TLE4: variants seen among roughly 807,000 people sequenced by gnomAD.
TLE4 encodes transducin-like enhancer protein 4.
Under a neutral mutation model 92.8 loss-of-function variants are expected in TLE4, and 8 were observed. The observed-to-expected ratio is 0.09, with a 90% CI of 0.05 to 0.16. The LOEUF is 0.16. Among genes scored for constraint, TLE4 ranks in the 10% least tolerant of loss-of-function variants. The pLI is 1.00. For missense variants in TLE4, 675 were observed against 997.6 expected, an observed-to-expected ratio of 0.68 and a Z score of 4.36; for synonymous variants, 371 against 374.1, an observed-to-expected ratio of 0.99 and a Z score of 0.10.
chr9:79,639,928 A>G (rs1022868879), intron 6 of TLE4, among the ~76,000 whole-genome samples: 9 of 152,182 alleles, frequency 5.9e-5, no homozygotes, highest in Non-Finnish European at 1.2e-4. Flanking sequence ...TGACTTATGT[A>G]TATCAAAATA....
At chr9:79,573,451 G>A in intron 1 of TLE4, 1 of 1,116,062 alleles carries the variant, frequency 9.0e-7, no homozygotes, top group East Asian at 3.5e-5. Flanking sequence ...TCGAACCCTC[G>A]GGGTCCGGGG....
At chr9:79,578,334 T>G (rs1642731395) in intron 4 of TLE4, among the ~76,000 whole-genome samples, 2 of 152,186 alleles carry the variant, frequency 1.3e-5, no homozygotes, top group African/African-American at 4.8e-5. Flanking sequence ...CGGGAGCCCT[T>G]GGAAGTACCC....
chr9:79,587,517 G>A (rs1363497915), intron 4 of TLE4, among the ~76,000 whole-genome samples: 2 of 152,114 alleles, frequency 1.3e-5, no homozygotes, highest in Non-Finnish European at 1.5e-5. Flanking sequence ...CCATTGCTCG[G>A]TACTATAGGC....
At chr9:79,648,899 G>T (rs550005792) in intron 6 of TLE4, among the ~76,000 whole-genome samples, 1 of 152,246 alleles carries the variant, frequency 6.6e-6, no homozygotes, top group Non-Finnish European at 1.5e-5. Flanking sequence ...TGGGTCAAAG[G>T]TGGATAAAGA....
At chr9:79,720,706 A>T (rs562142913) in intron 16 of TLE4, among the ~76,000 whole-genome samples, 2 of 152,190 alleles carry the variant, frequency 1.3e-5, no homozygotes, top group South Asian at 4.1e-4. Context: ...ATTATTGTTG[A>T]TAGAGCCTCA....
intron 17 of TLE4, among the ~76,000 whole-genome samples, chr9:79,722,234 C>T (rs1215870786): frequency 6.6e-6 from 1 of 152,182 alleles, no homozygotes; most frequent in East Asian, 1.9e-4. Flanking sequence ...AGGCAGTTCA[C>T]TTACCGTGTG....
intron 5 of TLE4, among the ~76,000 whole-genome samples, chr9:79,613,341 C>T (rs11138310): frequency 6.6e-6 from 1 of 152,050 alleles, no homozygotes; most frequent in Non-Finnish European, 1.5e-5. Flanking sequence ...CTCACTAGTT[C>T]TCTTGCTCAC....
At chr9:79,631,750 A>G (rs918085000) in intron 6 of TLE4, among the ~76,000 whole-genome samples, 9 of 151,136 alleles carry the variant, frequency 6.0e-5, no homozygotes, top group South Asian at 2.1e-4. Flanking sequence ...AGATTTCAAA[A>G]CTGCCATTTT....
intron 15 of TLE4, 126 bp downstream of exon 15, chr9:79,719,097 G>T: frequency 1.5e-6 from 2 of 1,371,462 alleles, no homozygotes; most frequent in Non-Finnish European, 1.9e-6. Flanking sequence ...CTCTTCAGGG[G>T]ACTGCGATCT....
chr9:79,612,823 T>C (rs747142561), intron 5 of TLE4, 105 bp downstream of exon 5: 3 of 938,872 alleles, frequency 3.2e-6, no homozygotes, highest in Non-Finnish European at 5.1e-6. Context: ...TCTCTTGGTG[T>C]TTGTATTTTA....
At chr9:79,659,317 T>C (rs1308551197) in intron 8 of TLE4, among the ~76,000 whole-genome samples, 1 of 152,206 alleles carries the variant, frequency 6.6e-6, no homozygotes, top group Non-Finnish European at 1.5e-5. Context: ...CTATCTATAC[T>C]TTTTCTTTGC....
Position 79,706,808 on chromosome 9 carries a change from C to T in TLE4, c.845C>T (p.Thr282Ile), listed in dbSNP as rs764293698. Residue 282 changes from threonine (T) to isoleucine (I), a missense_variant, in exon 11 of 20, where the codon ACA (threonine) becomes ATA (isoleucine). Coordinates refer to ENST00000376552, the MANE Select transcript of TLE4 (RefSeq NM_007005.6). ...CCCAGAGAGAATGGCCTAGACAAGA[C>T]ACGCCTGCTCAAGAAAGATGCCCCG... is the stretch of plus-strand genomic sequence containing the variant. ...HSPRENGLDK[T>I]RLLKKDAPIS... 8.1e-6 allele frequency: 13 copies of T among 1,614,070 alleles called. No individual in the cohort carries two copies. The highest frequency in any genetic ancestry group is 1.0e-5 in the Non-Finnish European group (12 of 1,180,044).
chr9:79,616,515 G>C (rs2049657172), intron 5 of TLE4, among the ~76,000 whole-genome samples: 2 of 152,078 alleles, frequency 1.3e-5, no homozygotes, highest in Non-Finnish European at 2.9e-5. Context: ...TCTAATCATT[G>C]CATTTGGGAA....
Position 79,572,625 on chromosome 9 carries a change from G to A in TLE4, c.-166G>A, listed in dbSNP as rs1344441528. 2 of 353,388 alleles carry A rather than the reference G, an allele frequency of 5.7e-6. No individual in the cohort carries two copies. The highest frequency in any genetic ancestry group is 5.5e-5 in the East Asian group (1 of 18,040). The allele number at this position is 353,388 out of a possible 1,614,324, so 21.9% of individuals were successfully genotyped here. A position where few individuals can be genotyped will look rare whatever the true frequency, so the allele number is the denominator to read the frequency against. Reference sequence around the variant, plus strand: ...AGCCGGCACCCAGCCGCCGCCGCGCGTTCCTGCCGCCCGTGTCACGCGAGA... The same window carrying A: ...AGCCGGCACCCAGCCGCCGCCGCGCATTCCTGCCGCCCGTGTCACGCGAGA... On this transcript the variant is annotated 5_prime_UTR_variant, in exon 1 of 20. Transcript: ENST00000376552.
In TLE4 at chr9:79,708,762, T is replaced by C; in HGVS notation, c.1239T>C (p.Ala413=). 5.0e-6 allele frequency: 8 copies of C among 1,607,488 alleles called. No individual in the cohort carries two copies. The highest frequency in any genetic ancestry group is 5.9e-6 in the Non-Finnish European group (7 of 1,179,960). Residue 413 remains alanine, a synonymous_variant, in exon 13 of 20, where the codon GCT becomes GCC. Transcript: ENST00000376552. ...CAGCTGCTGCCGCCGCCGCTGCTGC[T>C]GCTGCCTATGGGAGATCACCAGTGG... The part of the protein sequence containing the change: ...MSAAAAAAAA[A]AAYGRSPVVG...
chr9:79,690,902 A>C (rs895905567), intron 8 of TLE4, among the ~76,000 whole-genome samples: 1 of 150,682 alleles, frequency 6.6e-6, no homozygotes, highest in Non-Finnish European at 1.5e-5. Context: ...TCCCGAAGCA[A>C]TGAGATTACA....
At chr9:79,622,222 T>G (rs2051192620) in intron 5 of TLE4, among the ~76,000 whole-genome samples, 1 of 152,164 alleles carries the variant, frequency 6.6e-6, no homozygotes, top group Admixed American at 6.5e-5. Context: ...TCCTTTATTT[T>G]TCTTTGTGTG....
intron 8 of TLE4, among the ~76,000 whole-genome samples, chr9:79,699,177 C>T (rs970214054): frequency 6.6e-6 from 1 of 152,050 alleles, no homozygotes; most frequent in Admixed American, 6.6e-5. Flanking sequence ...ATAGAGTCAC[C>T]AGTGTTCATT....
intron 5 of TLE4, among the ~76,000 whole-genome samples, chr9:79,621,687 C>T (rs566097399): frequency 1.2e-4 from 18 of 152,136 alleles, no homozygotes; most frequent in African/African-American, 3.6e-4. Flanking sequence ...TGCTCAGCCC[C>T]GGCAGTGTTT....
Sources: allele counts gnomAD v4.1 joint callset (sites outside exome capture counted in the v4.1 genomes callset), GRCh38; gene constraint gnomAD v4.1.1; transcripts MANE v1.5; gene names NCBI Gene and HGNC (gene_info 2026-07-23, HGNC 2026-07-21).